The following RBM22 variants were observed in gnomAD, a reference collection of about 807,000 sequenced individuals.
RBM22 encodes the protein RNA binding motif protein 22, also known as pre-mRNA-splicing factor RBM22.
In RBM22, 1 loss-of-function variant was observed where a neutral mutation model predicts 50.1. The ratio of observed to expected loss-of-function variants is 0.02; its 90% CI spans 0.01 to 0.09. The LOEUF (loss-of-function observed/expected upper bound fraction) is 0.09. Ranked by LOEUF, RBM22 falls within the 10% of genes least tolerant of loss-of-function variation. The pLI is 1.00. For synonymous variants in RBM22, 152 were observed against 179.0 expected (o/e 0.85, Z 1.20); for missense variants, 264 against 529.3 (o/e 0.50, Z 4.92).
chr5:150,699,406 A>G, intron 2 of RBM22, 135 bp from the exon 3 acceptor site: 1 of 1,260,400 alleles, frequency 7.9e-7, no homozygotes. Context: ...AACAGCAACA[A>G]CAAAACCCAA....
At chr5:150,693,358 A>C (rs973376207) in intron 8 of RBM22, 51 bp from the exon 9 acceptor site, 1 of 1,404,580 alleles carries the variant, frequency 7.1e-7, no homozygotes, top group South Asian at 1.2e-5. Flanking sequence ...CTTATCTCAC[A>C]CCTCTGCTTC....
At chr5:150,693,416 GCA>G in intron 8 of RBM22, 109 bp from the exon 9 acceptor site, 1 of 806,348 alleles carries the variant, frequency 1.2e-6, no homozygotes, top group Non-Finnish European at 2.0e-6. Context: ...CTCCTCCTCA[GCA>G]CACACTCTTT....
At chr5:150,700,834 C>T in intron 1 of RBM22, 98 bp downstream of exon 1, 1 of 1,610,474 alleles carries the variant, frequency 6.2e-7, no homozygotes. Flanking sequence ...GGCTCCTCCC[C>T]GGTATTCCTT....
Position 150,691,446 on chromosome 5 carries a change from G to GT in RBM22, c.*304dup. 1 of 223,314 alleles carries GT rather than the reference G, an allele frequency of 4.5e-6. No individual in the cohort carries two copies. Among genetic ancestry groups the GT allele is most frequent in the Non-Finnish European group, 8.7e-6 (1 of 115,390 alleles). The allele number at this position is 223,314 out of a possible 1,614,324, so 13.8% of individuals were successfully genotyped here. A position where few individuals can be genotyped will look rare whatever the true frequency, so the allele number is the denominator to read the frequency against. On this transcript the variant is annotated 3_prime_UTR_variant, in exon 11 of 11. Transcript: ENST00000199814. ...ACAAAATGAACATATAATTGGGAGG[G>GT]TAACTCTGCTGGACATTCCAATTCA... is the stretch of plus-strand genomic sequence containing the variant.
intron 1 of RBM22, 100 bp downstream of exon 1, chr5:150,700,832 C>G: frequency 6.2e-7 from 1 of 1,610,340 alleles, no homozygotes; most frequent in Non-Finnish European, 8.5e-7. Context: ...CTGGCTCCTC[C>G]CCGGTATTCC....
chr5:150,693,375 T>G, intron 8 of RBM22, 68 bp from the exon 9 acceptor site: 2 of 1,264,992 alleles, frequency 1.6e-6, no homozygotes, highest in South Asian at 1.2e-5. Flanking sequence ...CTTCTTACAT[T>G]CCCCAGTCCA....
At position 150,691,637 on chromosome 5, in the gene RBM22, G is replaced by C. The variant is rs962999304; in HGVS notation, c.*114C>G. The C allele has an allele frequency of 8.0e-7, 1 of 1,249,118 alleles. No homozygotes were observed. Among genetic ancestry groups the C allele is most frequent in the African/African-American group, 1.5e-5 (1 of 65,508 alleles). 77.4% of individuals were successfully genotyped at this position (1,249,118 alleles called of 1,614,324 possible). ...TCAGTCTCTGACTGCTCACATCTGA[G>C]CACATTCAGCTACCATGGAAACTAC... On this transcript the variant is annotated 3_prime_UTR_variant, in exon 11 of 11. Coordinates refer to ENST00000199814, the MANE Select transcript of RBM22 (RefSeq NM_018047.3).
At chr5:150,699,456 TAAC>T (rs775741261) in intron 2 of RBM22, among the ~76,000 whole-genome samples, 185 bp from the exon 3 acceptor site, 108 of 152,212 alleles carry the variant, frequency 7.1e-4, no homozygotes, top group Non-Finnish European at 1.5e-3. Flanking sequence ...GAACATACTA[TAAC>T]AACATATTAT....
rs10052610 is a variant in RBM22, at chr5:150,695,894, G to A, written c.546-188C>T. ...AATACCAAGAGATTTACTGTATCAC[G>A]GAAGGAATTACTAGCCTCCTAAAAG... On this transcript the variant is annotated intron_variant, in intron 6 of 10. Transcript: ENST00000199814. 2.4e-3 allele frequency among the ~76,000 whole-genome samples: 354 copies of A among 148,358 alleles called. 1 individual carries two copies. Among genetic ancestry groups the A allele is most frequent in the African/African-American group, 8.1e-3 (324 of 40,042 alleles).
chr5:150,695,607 C>T lies in RBM22; in HGVS notation c.645G>A (p.Lys215=). 1 of 1,613,322 alleles carries T rather than the reference C, an allele frequency of 6.2e-7. No individual in the cohort carries two copies. The highest frequency in any genetic ancestry group is 8.5e-7 in the Non-Finnish European group (1 of 1,179,614). Residue 215 remains lysine (K), a synonymous_variant, in exon 7 of 11, where the codon AAG becomes AAA. Coordinates refer to ENST00000199814, the MANE Select transcript of RBM22 (RefSeq NM_018047.3). ...CCAGCCGAGGCATTGTTGAAGCCCG[C>T]TTTAGAAGCTTGTCAGCTACAGGAT... ...INDPVADKLL[K]RASTMPRLDP...
chr5:150,694,856 G>A (rs1367893136), intron 7 of RBM22: 1 of 152,492 alleles, frequency 6.6e-6, no homozygotes, highest in Non-Finnish European at 1.5e-5. Flanking sequence ...TTTATCAAAT[G>A]CCAGTCTCTT....
At position 150,701,032 on chromosome 5, in the gene RBM22, GA is replaced by G; in HGVS notation, c.-48del. 1 of 1,608,722 alleles carries G rather than the reference GA, an allele frequency of 6.2e-7. No homozygotes were observed. The highest frequency in any genetic ancestry group is 2.2e-5 in the East Asian group (1 of 44,866). ...CTGTAGCTTCCGAATTGGGAGAGAG[GA>G]CCGCCACAATCCCGTCAAGCCCCGA... On this transcript the variant is annotated 5_prime_UTR_variant, in exon 1 of 11. Transcript: ENST00000199814.
In RBM22 at chr5:150,696,487, G is replaced by A; in HGVS notation, c.545+46C>T. 6.4e-7 allele frequency: 1 copy of A among 1,563,332 alleles called. No homozygotes were observed. Among genetic ancestry groups the A allele is most frequent in the Non-Finnish European group, 8.7e-7 (1 of 1,144,074 alleles). On this transcript the variant is annotated intron_variant, in intron 6 of 10. Transcript: ENST00000199814. This position sits in a 1 kb window ranked among gnomAD's most constrained non-coding sequence, Gnocchi z 4.3. ...AGTTAGGACCTCCCACTTCTTAGAT[G>A]AGAAATCATCTGAAAGCAAATACTG...
rs143041510 is a variant in RBM22, at chr5:150,696,405, C to T, written c.545+128G>A. The T allele has an allele frequency of 1.5e-4, 149 of 1,025,644 alleles. No homozygotes were observed. The African/African-American group carries it at 2.0e-3, about 14-fold the overall frequency. The allele number at this position is 1,025,644 out of a possible 1,614,324, so 63.5% of individuals were successfully genotyped here. On this transcript the variant is annotated intron_variant, in intron 6 of 10. Transcript: ENST00000199814. This position sits in a 1 kb window ranked among gnomAD's most constrained non-coding sequence, Gnocchi z 4.3. ...TCTTCTAAATTTCATAGTTCTAAGA[C>T]ATGAGGTATACCACATTAGTTGTAT...
At chr5:150,700,754 C>A (rs1382492393) in intron 1 of RBM22, 178 bp downstream of exon 1, 1 of 1,543,560 alleles carries the variant, frequency 6.5e-7, no homozygotes, top group African/African-American at 1.4e-5. Context: ...CTGGCTAAGC[C>A]CCCTCCCTTC....
In RBM22 at chr5:150,695,460, A is replaced by T. The variant is rs771482940; in HGVS notation, c.746+46T>A. On this transcript the variant is annotated intron_variant, in intron 7 of 10. Transcript: ENST00000199814. The stretch of plus-strand genomic sequence containing the variant: ...GCAGTTTTTGCAAATAAATTATTCC[A>T]GGGCAGTTAAAGGCAAAAATAACTC... The T allele has an allele frequency of 4.1e-6, 6 of 1,445,868 alleles. No individual in the cohort carries two copies. In the Admixed American group the frequency reaches 5.5e-5, roughly 13 times the overall value. The allele number at this position is 1,445,868 out of a possible 1,614,324, so 89.6% of individuals were successfully genotyped here.
chr5:150,700,991 G>C lies in RBM22; in HGVS notation c.-6C>G. On this transcript the variant is annotated 5_prime_UTR_variant, in exon 1 of 11. Transcript: ENST00000199814. Reference sequence around the variant, plus strand: ...GAACCCAGAGAGGTCGCCATCTTGAGAGCGTCCGGAGGTAGCTGTAGCTTC... The same window carrying C: ...GAACCCAGAGAGGTCGCCATCTTGACAGCGTCCGGAGGTAGCTGTAGCTTC... The C allele has an allele frequency of 6.2e-7, 1 of 1,614,212 alleles. No homozygotes were observed. Among genetic ancestry groups the C allele is most frequent in the Non-Finnish European group, 8.5e-7 (1 of 1,180,030 alleles).
chr5:150,692,719 T>C (rs1759223732), intron 10 of RBM22, among the ~76,000 whole-genome samples, 176 bp downstream of exon 10: 1 of 152,076 alleles, frequency 6.6e-6, no homozygotes, highest in African/African-American at 2.4e-5. Context: ...GCCCCTTTCT[T>C]CTCCTCGGCA....
intron 6 of RBM22, 120 bp from the exon 7 acceptor site, chr5:150,695,826 G>A (rs913651747): frequency 2.6e-6 from 2 of 779,466 alleles, no homozygotes; most frequent in Non-Finnish European, 4.0e-6. Context: ...TTTTGAACTA[G>A]AAACTATGGT....
Sources: allele counts gnomAD v4.1 joint callset (sites outside exome capture counted in the v4.1 genomes callset), GRCh38; gene constraint gnomAD v4.1.1; non-coding constraint Gnocchi (gnomAD v3.1); transcripts MANE v1.5; gene names NCBI Gene and HGNC (gene_info 2026-07-23, HGNC 2026-07-21).